The following NHS variants were observed in gnomAD, a reference collection of about 807,000 sequenced individuals.
NHS encodes the protein actin remodeling regulator NHS.
In NHS, 5 loss-of-function variants were observed where a neutral mutation model predicts 72.5. That is an observed-to-expected ratio of 0.07 (90% confidence interval 0.04 to 0.14). The LOEUF (loss-of-function observed/expected upper bound fraction) is 0.14, where lower values mean the gene tolerates loss of function less well. NHS is among the 10% of genes least tolerant of loss of function. The pLI, the probability that NHS is intolerant of heterozygous loss-of-function variation, is 1.00. For missense variants in NHS, 1,072 were observed against 1,355.7 expected, an observed-to-expected ratio of 0.79 and a Z score of 3.29; for synonymous variants, 464 against 547.7, an observed-to-expected ratio of 0.85 and a Z score of 2.13.
At chrX:17,590,365 C>T (rs949738970) in intron 1 of NHS, among the ~76,000 whole-genome samples, 8 of 111,929 alleles carry the variant, frequency 7.1e-5, no homozygotes, top group African/African-American at 2.6e-4. Context: ...ACATTGGATT[C>T]ATCACAAATG....
At chrX:17,538,498 T>C (rs1262101533) in intron 1 of NHS, among the ~76,000 whole-genome samples, 1 of 111,398 alleles carries the variant, frequency 9.0e-6, no homozygotes, top group African/African-American at 3.3e-5. Flanking sequence ...CACGTCAGAG[T>C]TTCCTGCCTA....
intron 1 of NHS, among the ~76,000 whole-genome samples, chrX:17,543,511 T>C (rs923730359): frequency 8.9e-6 from 1 of 112,163 alleles, no homozygotes; most frequent in East Asian, 2.8e-4. Flanking sequence ...AAGTATGGGT[T>C]CCTCTTCCCA....
intron 1 of NHS, among the ~76,000 whole-genome samples, chrX:17,403,953 G>C (rs1391130879): frequency 9.0e-6 from 1 of 111,456 alleles, no homozygotes; most frequent in African/African-American, 3.3e-5. Context: ...GACAGGTGCA[G>C]CTATTTTAGT....
chrX:17,621,480 A>G (rs1395235359), intron 1 of NHS, among the ~76,000 whole-genome samples: 1 of 112,211 alleles, frequency 8.9e-6, no homozygotes, highest in Non-Finnish European at 1.9e-5. Flanking sequence ...GGAAGAACAC[A>G]AGGAAAGGCA....
At chrX:17,561,571 C>T (rs1247444060) in intron 1 of NHS, among the ~76,000 whole-genome samples, 6 of 71,196 alleles carry the variant, frequency 8.4e-5, no homozygotes, top group Admixed American at 1.7e-4. Flanking sequence ...CGCGCGCGCG[C>T]GCGCACACAC....
rs191812535 is a variant in NHS at position 17,464,787 on chromosome X, A to G, written c.565+88465A>G. On this transcript the variant is annotated intron_variant, in intron 1 of 8. Transcript: ENST00000676302. The stretch of plus-strand genomic sequence containing the variant: ...CATTGTACTCCTTTACTTTATGAGA[A>G]CTTTGAGAAAAATCCTAGAGCCAGA... Among the ~76,000 whole-genome samples, 496 of 111,972 alleles carry G rather than the reference A, an allele frequency of 4.4e-3. 5 individuals are homozygous for G. The highest frequency in any genetic ancestry group is 0.015 in the African/African-American group (460 of 30,838).
chrX:17,384,415 C>T (rs899942726), intron 1 of NHS, among the ~76,000 whole-genome samples: 2 of 112,540 alleles, frequency 1.8e-5, no homozygotes, highest in African/African-American at 3.2e-5. Flanking sequence ...GTAATTTCCT[C>T]ATAACCAGTA....
chrX:17,713,943 G>A (rs1365173826), intron 3 of NHS, among the ~76,000 whole-genome samples: 2 of 111,514 alleles, frequency 1.8e-5, no homozygotes, highest in Admixed American at 9.5e-5. Context: ...TGGGAAGCTA[G>A]GGAAAGGATT....
intron 1 of NHS, among the ~76,000 whole-genome samples, chrX:17,489,184 T>C (rs1379134278): frequency 8.9e-6 from 1 of 112,332 alleles, no homozygotes; most frequent in Non-Finnish European, 1.9e-5. Flanking sequence ...CTTTATCCAG[T>C]CTATCACTGA....
chrX:17,621,180 C>T (rs1429035454), intron 1 of NHS, among the ~76,000 whole-genome samples: 2 of 112,403 alleles, frequency 1.8e-5, no homozygotes, highest in East Asian at 5.7e-4. Flanking sequence ...ATTTAAGGCC[C>T]TTGGAAGTAG....
intron 1 of NHS, among the ~76,000 whole-genome samples, chrX:17,637,399 G>T (rs188933787): frequency 9.0e-6 from 1 of 111,425 alleles, no homozygotes; most frequent in Non-Finnish European, 1.9e-5. Context: ...CTGGGCGGGG[G>T]TGGTGGTGGT....
rs1342617583 is a variant in NHS, at chrX:17,727,077, T to A, written c.2971T>A (p.Ser991Thr). The A allele has an allele frequency of 1.7e-6, 2 of 1,209,860 alleles. No individual in the cohort carries two copies. The highest frequency in any genetic ancestry group is 3.5e-5 in the African/African-American group (2 of 57,054). Reference sequence around the variant, plus strand: ...GAGCTCTGAATCCCAAACATCACAATCAGAATCAAGAGCCACCACCCCATC... The same window carrying A: ...GAGCTCTGAATCCCAAACATCACAAACAGAATCAAGAGCCACCACCCCATC... ...PESSESQTSQ[S>T]ESRATTPSLP... The change falls in exon 7 of 9, where the codon TCA (serine) becomes ACA (threonine). Residue 991 changes from serine to threonine, a missense_variant. Coordinates refer to ENST00000676302, the MANE Select transcript of NHS (RefSeq NM_001291867.2).
chrX:17,492,840 T>C (rs1178856392), intron 1 of NHS, among the ~76,000 whole-genome samples: 1 of 111,919 alleles, frequency 8.9e-6, no homozygotes, highest in East Asian at 2.8e-4. Flanking sequence ...GTTTGTTGCC[T>C]ATGATCATAA....
chrX:17,504,783 G>T (rs766846516), intron 1 of NHS, among the ~76,000 whole-genome samples: 2 of 111,858 alleles, frequency 1.8e-5, no homozygotes, highest in East Asian at 2.8e-4. Flanking sequence ...TTGCAAAAAG[G>T]GTTTCTTTAC....
intron 1 of NHS, among the ~76,000 whole-genome samples, chrX:17,464,167 C>T (rs1352606765): frequency 9.0e-6 from 1 of 111,579 alleles, no homozygotes; most frequent in Non-Finnish European, 1.9e-5. Context: ...GAGAATGGGA[C>T]TGAGAGATAG....
At chrX:17,410,629 C>T (rs181853152) in intron 1 of NHS, among the ~76,000 whole-genome samples, 2 of 106,350 alleles carry the variant, frequency 1.9e-5, no homozygotes, top group African/African-American at 6.9e-5. Flanking sequence ...TGCAGGCCTT[C>T]ATTTCCATTG....
rs759112062 is a variant in NHS at position 17,580,135 on chromosome X, A to G, written c.566-107607A>G. ...ACAAAGACCTAAAAATATTTCACCA[A>G]TGATAGTCATTATCCTGCCCCTTTC... On this transcript the variant is annotated intron_variant, in intron 1 of 8. Transcript: ENST00000676302. Among the ~76,000 whole-genome samples, 5 of 110,045 alleles carry G rather than the reference A, an allele frequency of 4.5e-5. No individual in the cohort carries two copies. In the South Asian group the frequency reaches 1.2e-3, roughly 26 times the overall value.
intron 1 of NHS, among the ~76,000 whole-genome samples, chrX:17,516,556 AACACACACACACGCGCACACACACACAC>A (rs2065120962): frequency 1.1e-5 from 1 of 94,304 alleles, no homozygotes; most frequent in African/African-American, 4.0e-5. Flanking sequence ...TTTAACTTAC[AACACACACACACGCGCACACACACACAC>A]ACACACACAC....
At position 17,685,168 on chromosome X, in the gene NHS, C is replaced by G. The variant is rs1230188216; in HGVS notation, c.566-2574C>G. 2.7e-5 allele frequency among the ~76,000 whole-genome samples: 3 copies of G among 111,503 alleles called. No homozygotes were observed. In the Admixed American group the frequency reaches 2.9e-4, roughly 11 times the overall value. On this transcript the variant is annotated intron_variant, in intron 1 of 8. Coordinates refer to ENST00000676302, the MANE Select transcript of NHS (RefSeq NM_001291867.2). ...TCCATTAGTGGCTGTCTGCCTGCCT[C>G]TAGTGGACACGTAATACTAGTTAAT...
Sources: gnomAD v4.1 joint callset for allele counts (sites outside exome capture counted in the v4.1 genomes callset) on GRCh38, gnomAD v4.1.1 for gene constraint, MANE v1.5 for transcripts, NCBI Gene and HGNC (gene_info 2026-07-23, HGNC 2026-07-21) for gene names.